Variants in EFCAB6 observed in about 807,000 individuals in gnomAD.
EFCAB6 encodes the protein EF-hand calcium-binding domain-containing protein 6.
In EFCAB6, 156 loss-of-function variants were observed where a neutral mutation model predicts 169.8. The observed-to-expected ratio is 0.92, with a 90% CI of 0.81 to 1.05. EFCAB6 has a LOEUF of 1.05. EFCAB6 is among the 50% of genes least tolerant of loss of function. The probability of loss-of-function intolerance (pLI) is 0.00; values close to 1 mark genes in which losing one functional copy is unlikely to be tolerated. For synonymous variants in EFCAB6, 698 were observed against 676.4 expected, an observed-to-expected ratio of 1.03 and a Z score of -0.50; for missense variants, 1,800 against 1,829.1, an observed-to-expected ratio of 0.98 and a Z score of 0.29.
At chr22:43,610,344 C>A (rs775158225) in intron 21 of EFCAB6, among the ~76,000 whole-genome samples, 1 of 152,182 alleles carries the variant, frequency 6.6e-6, no homozygotes, top group Admixed American at 6.5e-5. Context: ...GAGAAAAAGA[C>A]AAACCAGTAG....
intron 9 of EFCAB6, among the ~76,000 whole-genome samples, chr22:43,715,194 G>A (rs1569431102): frequency 2.0e-5 from 3 of 152,082 alleles, no homozygotes; most frequent in Non-Finnish European, 4.4e-5. Flanking sequence ...TAAGTCTTGC[G>A]GGAAGGAAAT....
Position 43,547,175 on chromosome 22 carries a change from G to A in EFCAB6, c.3649-6818C>T, listed in dbSNP as rs186412975. Among the ~76,000 whole-genome samples the A allele has an allele frequency of 5.2e-3, 797 of 152,214 alleles. 4 individuals are homozygous for A. Among genetic ancestry groups the A allele is most frequent in the Middle Eastern group, 0.041 (12 of 294 alleles). ...AATGAAATGAAATCTAGGGAAAATC[G>A]GAGTTAGGGCAACTCAATGTCATGT... On this transcript the variant is annotated intron_variant, in intron 27 of 31. Transcript: ENST00000262726.
At chr22:43,706,960 A>T (rs2058982389) in intron 10 of EFCAB6, among the ~76,000 whole-genome samples, 1 of 152,254 alleles carries the variant, frequency 6.6e-6, no homozygotes, top group African/African-American at 2.4e-5. Flanking sequence ...GCTGAAGTGG[A>T]AACCAAGAAA....
chr22:43,600,909 G>A (rs1208111930), intron 22 of EFCAB6, among the ~76,000 whole-genome samples: 2 of 152,080 alleles, frequency 1.3e-5, no homozygotes, highest in Admixed American at 1.3e-4. Flanking sequence ...GTGATCCGCC[G>A]GCTTCGGCCT....
intron 6 of EFCAB6, among the ~76,000 whole-genome samples, chr22:43,737,777 A>ACATATT (rs1159216602): frequency 6.6e-6 from 1 of 151,626 alleles, no homozygotes; most frequent in East Asian, 1.9e-4. Context: ...TCACTCACAC[A>ACATATT]CATATTCATA....
At chr22:43,741,246 A>T (rs1277580791) in intron 6 of EFCAB6, among the ~76,000 whole-genome samples, 3 of 151,604 alleles carry the variant, frequency 2.0e-5, no homozygotes, top group Non-Finnish European at 4.4e-5. Flanking sequence ...AGCCATGCTG[A>T]CCGACTTTGA....
intron 17 of EFCAB6, among the ~76,000 whole-genome samples, chr22:43,640,197 T>C (rs1159493235): frequency 6.6e-6 from 1 of 152,230 alleles, no homozygotes; most frequent in Non-Finnish European, 1.5e-5. Flanking sequence ...GGTTATATCC[T>C]GGACATTGTG....
intron 2 of EFCAB6, among the ~76,000 whole-genome samples, 176 bp downstream of exon 2, chr22:43,808,819 C>T (rs572533810): frequency 4.6e-5 from 7 of 152,268 alleles, no homozygotes; most frequent in Admixed American, 1.3e-4. Context: ...GTGAGATGAC[C>T]ACTGCCTGGG....
At chr22:43,593,574 CA>C (rs1409392361) in intron 23 of EFCAB6, among the ~76,000 whole-genome samples, 3 of 152,190 alleles carry the variant, frequency 2.0e-5, no homozygotes, top group Non-Finnish European at 4.4e-5. Context: ...TCGAATTTCA[CA>C]AACTCAATTC....
At chr22:43,808,926 T>C (rs894994596) in intron 2 of EFCAB6, 69 bp downstream of exon 2, 1 of 152,220 alleles carries the variant, frequency 6.6e-6, no homozygotes, top group Non-Finnish European at 1.5e-5. Flanking sequence ...CAACCCAGGA[T>C]GCAGGATAAC....
chr22:43,543,820 C>T (rs559576757), intron 27 of EFCAB6, among the ~76,000 whole-genome samples: 164 of 152,212 alleles, frequency 1.1e-3, no homozygotes, highest in Non-Finnish European at 1.8e-3. Flanking sequence ...TGATGTGAGC[C>T]GAGGGTGGCG....
chr22:43,671,198 T>C (rs1327885692), intron 15 of EFCAB6, among the ~76,000 whole-genome samples: 2 of 152,030 alleles, frequency 1.3e-5, no homozygotes, highest in Non-Finnish European at 2.9e-5. Context: ...GCTTCTGTTT[T>C]TGTTTTTTGT....
chr22:43,680,629 A>G (rs1025118268), intron 12 of EFCAB6, among the ~76,000 whole-genome samples: 8 of 152,122 alleles, frequency 5.3e-5, no homozygotes, highest in African/African-American at 1.9e-4. Context: ...TCCTTTAACA[A>G]TGTTTTGTAA....
intron 27 of EFCAB6, 37 bp downstream of exon 27, chr22:43,554,832 A>G (rs757054879): frequency 8.2e-6 from 13 of 1,580,422 alleles, no homozygotes; most frequent in East Asian, 4.5e-5. Context: ...CGCTCAGCCA[A>G]CGGTGTGCAG....
At chr22:43,738,720 C>T (rs1231513684) in intron 6 of EFCAB6, among the ~76,000 whole-genome samples, 1 of 152,200 alleles carries the variant, frequency 6.6e-6, no homozygotes, top group African/African-American at 2.4e-5. Context: ...ACCTTCTCCA[C>T]TTTCCTAACC....
At chr22:43,679,831 T>C (rs1350941252) in intron 12 of EFCAB6, among the ~76,000 whole-genome samples, 1 of 152,164 alleles carries the variant, frequency 6.6e-6, no homozygotes, top group Non-Finnish European at 1.5e-5. Flanking sequence ...TTTAAAAAAT[T>C]AGGTTGTCTT....
intron 8 of EFCAB6, among the ~76,000 whole-genome samples, chr22:43,727,757 A>T (rs1276445895): frequency 3.3e-5 from 5 of 152,198 alleles, no homozygotes; most frequent in Non-Finnish European, 7.3e-5. Flanking sequence ...TCTGCTTTGC[A>T]TTGCTATCAA....
At chr22:43,785,529 T>C (rs1325423930) in intron 2 of EFCAB6, among the ~76,000 whole-genome samples, 1 of 151,716 alleles carries the variant, frequency 6.6e-6, no homozygotes, top group Non-Finnish European at 1.5e-5. Context: ...GATGAAAATT[T>C]GTAGATGTTA....
In EFCAB6 at chr22:43,530,892, A is replaced by G; in HGVS notation, c.4306T>C (p.Trp1436Arg). 1 of 1,614,254 alleles carries G rather than the reference A, an allele frequency of 6.2e-7. No homozygotes were observed. The highest frequency in any genetic ancestry group is 8.5e-7 in the Non-Finnish European group (1 of 1,180,050). ...TTGAACGTGCGCCGCATTGGCCTCC[A>G]GCAGTGCACAATTTTGGGCTGAATA... ...LRIQPKIVHC[W>R]RPMRRTFKSY... Residue 1436 changes from tryptophan to arginine, a missense_variant, in exon 31 of 32, where the codon TGG (tryptophan) becomes CGG (arginine). By Grantham distance (101) the Trp-to-Arg change is moderately radical (BLOSUM62 -3). Coordinates refer to ENST00000262726, the MANE Select transcript of EFCAB6 (RefSeq NM_022785.4).
Sources: gnomAD v4.1 joint callset for allele counts (sites outside exome capture counted in the v4.1 genomes callset) on GRCh38, gnomAD v4.1.1 for gene constraint, MANE v1.5 for transcripts, NCBI Gene and HGNC (gene_info 2026-07-23, HGNC 2026-07-21) for gene names.